The following KMT2A variants were observed in gnomAD, a reference collection of about 807,000 sequenced individuals.
The protein encoded by KMT2A is lysine methyltransferase 2A, also known as histone-lysine N-methyltransferase 2A.
KMT2A carries 16 observed loss-of-function variants against 345.3 expected under a neutral mutation model. The observed-to-expected ratio is 0.05, with a 90% CI of 0.03 to 0.07. The LOEUF (loss-of-function observed/expected upper bound fraction) is 0.07. Among genes scored for constraint, KMT2A ranks in the 10% least tolerant of loss-of-function variants. The pLI, the probability that KMT2A is intolerant of heterozygous loss-of-function variation, is 1.00. For missense variants in KMT2A, 3,272 were observed against 4,841.6 expected (o/e 0.68, Z 9.62); for synonymous variants, 1,599 against 1,778.6 (o/e 0.90, Z 2.54).
At position 118,520,595 on chromosome 11, in the gene KMT2A, G is replaced by C; in HGVS notation, c.11430-207G>C. The C allele has an allele frequency of 1.8e-6, 1 of 551,064 alleles. No homozygotes were observed. The highest frequency in any genetic ancestry group is 3.3e-6 in the Non-Finnish European group (1 of 304,458). The allele number at this position is 551,064 out of a possible 1,614,324, so 34.1% of individuals were successfully genotyped here. ...GAACCCAGGAGGCGGAGGTTACAGT[G>C]AGCCGAGATCGCACCACTGGACTCC... is the stretch of plus-strand genomic sequence containing the variant. On this transcript the variant is annotated intron_variant, in intron 33 of 35. Transcript: ENST00000534358. This position sits in a 1 kb window ranked among gnomAD's most constrained non-coding sequence, Gnocchi z 4.3.
At position 118,468,804 on chromosome 11, in the gene KMT2A, T is replaced by G. The variant is rs1555034771; in HGVS notation, c.462T>G (p.Asp154Glu). The change falls in exon 2 of 36, where the codon GAT (aspartate) becomes GAG (glutamate). Residue 154 changes from aspartate (D) to glutamate (E), a missense_variant. By Grantham distance (45) the Asp-to-Glu change is conservative. Coordinates refer to ENST00000534358, the MANE Select transcript of KMT2A (RefSeq NM_001197104.2). ...AGCAATTCTTAGGTTTTGGCTCAGA[T>G]GAAGAAGTCAGAGTGCGAAGTCCCA... ...EDEQFLGFGSDEEVRVRSPTR... is the reference protein window; with the variant it reads ...EDEQFLGFGSEEEVRVRSPTR... 33 of 1,613,052 alleles carry G rather than the reference T, an allele frequency of 2.0e-5. No individual in the cohort carries two copies. The highest frequency in any genetic ancestry group is 5.3e-5 in the African/African-American group (4 of 74,900).
In KMT2A at chr11:118,507,538, A is replaced by G. The variant is rs1950605849; in HGVS notation, c.10764A>G (p.Gly3588=). The stretch of plus-strand genomic sequence containing the variant: ...AATGCCTGTGTTCCAGGACTCCAGG[A>G]GCAGAGGCTGAGCAGCAGGATACAG... ...TSLTSGTGTP[G]AEAEQQDTAS... Residue 3588 remains glycine, a synonymous_variant, in exon 28 of 36, where the codon GGA becomes GGG. Transcript: ENST00000534358. The G allele has an allele frequency of 6.2e-7, 1 of 1,614,120 alleles. No homozygotes were observed. Among genetic ancestry groups the G allele is most frequent in the Non-Finnish European group, 8.5e-7 (1 of 1,179,976 alleles).
intron 1 of KMT2A, among the ~76,000 whole-genome samples, chr11:118,457,712 C>T (rs1227731723): frequency 6.6e-6 from 1 of 151,716 alleles, no homozygotes; most frequent in Non-Finnish European, 1.5e-5. Flanking sequence ...TCTGCTTGCA[C>T]TACACTCCTC....
At chr11:118,487,532 GT>G (rs1950250821) in intron 10 of KMT2A, among the ~76,000 whole-genome samples, 2 of 151,932 alleles carry the variant, frequency 1.3e-5, no homozygotes, top group Admixed American at 6.6e-5. Context: ...GTGTTAATAT[GT>G]TTCTCTGTGT....
rs782500897 is a variant in KMT2A, at chr11:118,498,646, A to G, written c.5961+118A>G. 2.6e-5 allele frequency: 25 copies of G among 958,750 alleles called. No individual in the cohort carries two copies. The Admixed American group carries it at 4.5e-4, about 17-fold the overall frequency. The allele number at this position is 958,750 out of a possible 1,614,324, so 59.4% of individuals were successfully genotyped here. A position where few individuals can be genotyped will look rare whatever the true frequency, so the allele number is the denominator to read the frequency against. ...TTTCCCATATGCCCCCTGCACCCACATATGCACAGCCTCCCCCATGATCAG... is the reference window on the plus strand; with the variant it reads ...TTTCCCATATGCCCCCTGCACCCACGTATGCACAGCCTCCCCCATGATCAG... On this transcript the variant is annotated intron_variant, in intron 22 of 35. Coordinates refer to ENST00000534358, the MANE Select transcript of KMT2A (RefSeq NM_001197104.2). This position sits in a 1 kb window ranked among gnomAD's most constrained non-coding sequence, Gnocchi z 4.4.
chr11:118,486,640 A>G (rs1053185644), intron 10 of KMT2A, among the ~76,000 whole-genome samples: 1 of 152,122 alleles, frequency 6.6e-6, no homozygotes, highest in Non-Finnish European at 1.5e-5. Context: ...TGGGAGGCTG[A>G]CGCAGGAGGA....
intron 1 of KMT2A, among the ~76,000 whole-genome samples, chr11:118,441,558 T>G (rs887160129): frequency 5.9e-5 from 9 of 152,158 alleles, no homozygotes; most frequent in Non-Finnish European, 1.0e-4. Flanking sequence ...TTATTTTCAG[T>G]CTAGGTGGTA....
At chr11:118,499,537 AC>A in intron 23 of KMT2A, 117 bp downstream of exon 23, 1 of 758,810 alleles carries the variant, frequency 1.3e-6, no homozygotes, top group Non-Finnish European at 2.3e-6. Flanking sequence ...TAATCCCAGC[AC>A]TTTGGGAGGC....
chr11:118,490,193 C>T lies in KMT2A; in HGVS notation c.4640C>T (p.Ala1547Val), dbSNP rs781908849. 6.2e-7 allele frequency: 1 copy of T among 1,603,622 alleles called. No homozygotes were observed. Among genetic ancestry groups the T allele is most frequent in the South Asian group, 1.1e-5 (1 of 88,936 alleles). Reference sequence around the variant, plus strand: ...ACAACTCCAGGCAAAGGGTGGGATGCACAGTGGTCTCATGATTTCTCACTG... The same window carrying T: ...ACAACTCCAGGCAAAGGGTGGGATGTACAGTGGTCTCATGATTTCTCACTG... The part of the protein sequence containing the change: ...GSTTPGKGWD[A>V]QWSHDFSLCH... Residue 1547 changes from alanine to valine, a missense_variant, in exon 13 of 36, where the codon GCA becomes GTA. By Grantham distance (64) the Ala-to-Val change is moderately conservative (BLOSUM62 0). Transcript: ENST00000534358. The surrounding 1 kb of genome is among the most constrained non-coding windows in gnomAD (Gnocchi z 4.2).
chr11:118,502,801 C>T lies in KMT2A; in HGVS notation c.6909C>T (p.Ser2303=). The change falls in exon 27 of 36, where the codon AGC becomes AGT. Residue 2303 remains serine, a synonymous_variant. Coordinates refer to ENST00000534358, the MANE Select transcript of KMT2A (RefSeq NM_001197104.2). This position sits in a 1 kb window ranked among gnomAD's most constrained non-coding sequence, Gnocchi z 4.9. ...GTGCTTCAGACTTGGTGTCCAAGAG[C>T]TCCTCTTTAAAGGGAGAGAAGACCA... The part of the protein sequence containing the change: ...QSSASDLVSK[S]SSLKGEKTKV... The T allele has an allele frequency of 6.2e-7, 1 of 1,614,162 alleles. No individual in the cohort carries two copies. Among genetic ancestry groups the T allele is most frequent in the South Asian group, 1.1e-5 (1 of 91,086 alleles).
intron 1 of KMT2A, among the ~76,000 whole-genome samples, chr11:118,465,114 A>C (rs1368064157): frequency 1.3e-5 from 2 of 152,148 alleles, no homozygotes; most frequent in East Asian, 3.8e-4. Context: ...TTAAAAATCT[A>C]TGAAGGAGGC....
At chr11:118,478,913 T>C (rs1489733950) in intron 5 of KMT2A, among the ~76,000 whole-genome samples, 1 of 152,208 alleles carries the variant, frequency 6.6e-6, no homozygotes, top group African/African-American at 2.4e-5. Flanking sequence ...TGAGCCACAG[T>C]GCTTGGCCTC....
At position 118,505,469 on chromosome 11, in the gene KMT2A, C is replaced by G. The variant is rs782228317; in HGVS notation, c.9577C>G (p.Pro3193Ala). The G allele has an allele frequency of 6.2e-7, 1 of 1,614,178 alleles. No homozygotes were observed. ...TTCAGGCCTGCTTATTGGGGTTCAG[C>G]CTCCTCCGGATCCCCAACTTTTGGT... Reference protein sequence around the residue: ...PPSGLLIGVQPPPDPQLLVSE... With the variant: ...PPSGLLIGVQAPPDPQLLVSE... Residue 3193 changes from proline to alanine, a missense_variant, in exon 27 of 36, where the codon CCT becomes GCT. Around this residue, in one of 27 missense-constraint regions of KMT2A, gnomAD observed 748 missense variants for 922.2 expected, o/e 0.81. Coordinates refer to ENST00000534358, the MANE Select transcript of KMT2A (RefSeq NM_001197104.2). This position sits in a 1 kb window ranked among gnomAD's most constrained non-coding sequence, Gnocchi z 4.6.
intron 1 of KMT2A, chr11:118,458,340 CG>C (rs1397925173): frequency 5.6e-6 from 1 of 179,088 alleles, no homozygotes; most frequent in East Asian, 1.8e-4. Context: ...CCTCCCTCCT[CG>C]GCCTCCCATT....
rs1555035547 is a variant in KMT2A at position 118,471,758 on chromosome 11, A to G, written c.599A>G (p.Asn200Ser). The change falls in exon 3 of 36, where the codon AAT becomes AGT. Residue 200 changes from asparagine (N) to serine (S), a missense_variant. Transcript: ENST00000534358. ...GATCCATCTGTGTTTTCCCCTCTAA[A>G]TAAATCAGAGACCAAATCTGGAGAT... ...LSDPSVFSPL[N>S]KSETKSGDKI... 3 of 1,613,642 alleles carry G rather than the reference A, an allele frequency of 1.9e-6. No individual in the cohort carries two copies. In the African/African-American group the frequency reaches 4.0e-5, roughly 22 times the overall value.
intron 3 of KMT2A, among the ~76,000 whole-genome samples, chr11:118,475,461 C>T (rs897241273): frequency 2.0e-5 from 3 of 152,104 alleles, no homozygotes; most frequent in Non-Finnish European, 4.4e-5. Flanking sequence ...CGGTGGCTTA[C>T]GCCTGTAATC....
At chr11:118,448,342 A>G (rs1949464148) in intron 1 of KMT2A, 1 of 152,220 alleles carries the variant, frequency 6.6e-6, no homozygotes, top group Admixed American at 6.5e-5. Flanking sequence ...ACAAATGCTT[A>G]TAAATCATTT....
At chr11:118,438,170 A>G (rs959037375) in intron 1 of KMT2A, among the ~76,000 whole-genome samples, 1 of 152,062 alleles carries the variant, frequency 6.6e-6, no homozygotes. Context: ...GGATGGGAGA[A>G]AAAGGATTAT....
rs185207728 is a variant in KMT2A at position 118,476,447 on chromosome 11, C to T, written c.3157-358C>T. Among the ~76,000 whole-genome samples the T allele has an allele frequency of 6.6e-6, 1 of 152,084 alleles. No homozygotes were observed. Among genetic ancestry groups the T allele is most frequent in the Non-Finnish European group, 1.5e-5 (1 of 68,002 alleles). ...GGTGGCTCAAGTGATCCTCTTGTCC[C>T]AGCCTCCTGAGTAGCTAGAACTACA... On this transcript the variant is annotated intron_variant, in intron 3 of 35. Coordinates refer to ENST00000534358, the MANE Select transcript of KMT2A (RefSeq NM_001197104.2). This position sits in a 1 kb window ranked among gnomAD's most constrained non-coding sequence, Gnocchi z 4.1.
Sources: gnomAD v4.1 joint callset for allele counts (sites outside exome capture counted in the v4.1 genomes callset) on GRCh38, gnomAD v4.1.1 for gene constraint, gnomAD v4.1.1 regional missense constraint, Gnocchi (gnomAD v3.1) non-coding constraint, MANE v1.5 for transcripts, NCBI Gene and HGNC (gene_info 2026-07-23, HGNC 2026-07-21) for gene names.